LRP4: variants seen among roughly 807,000 people sequenced by gnomAD.
LRP4 encodes LDL receptor related protein 4.
A neutral mutation model predicts 220.3 loss-of-function variants in LRP4; 95 were observed. The ratio of observed to expected loss-of-function variants is 0.43; its 90% CI spans 0.37 to 0.51. LRP4 has a LOEUF of 0.51. LRP4 is among the 20% of genes least tolerant of loss of function. The pLI is 0.00. For synonymous variants in LRP4, 903 were observed against 954.6 expected (o/e 0.95, Z 1.00); for missense variants, 1,925 against 2,567.0 (o/e 0.75, Z 5.40).
Position 46,890,041 on chromosome 11 carries a change from G to A in LRP4, c.1995C>T (p.Ser665=), listed in dbSNP as rs777406506. The change falls in exon 15 of 38, where the codon AGC becomes AGT. Residue 665 remains serine (S), a synonymous_variant. Coordinates refer to ENST00000378623, the MANE Select transcript of LRP4 (RefSeq NM_002334.4). This position sits in a 1 kb window ranked among gnomAD's most constrained non-coding sequence, Gnocchi z 5.3. ...GGTTCTTCCCCGTAAATTTGTTAGC[G>A]CTATTGATGCTCTTGGTGTGCCAGT... ...WTDWHTKSIN[S]ANKFTGKNQE... 24 of 1,613,976 alleles carry A rather than the reference G, an allele frequency of 1.5e-5. No individual in the cohort carries two copies. The highest frequency in any genetic ancestry group is 1.6e-4 in the Middle Eastern group (1 of 6,084).
At chr11:46,898,844 C>A in intron 6 of LRP4, 60 bp downstream of exon 6, 3 of 1,612,144 alleles carry the variant, frequency 1.9e-6, no homozygotes, top group Non-Finnish European at 1.7e-6. Flanking sequence ...CTGTGCCTTG[C>A]CACCCAAGCA....
chr11:46,895,122 T>G (rs1363588516), intron 11 of LRP4, 44 bp downstream of exon 11: 4 of 1,611,190 alleles, frequency 2.5e-6, no homozygotes, highest in Non-Finnish European at 3.4e-6. Context: ...CCTTCCTCCA[T>G]GCTCGGCCCT....
chr11:46,916,911 G>A (rs1466074320), intron 1 of LRP4, among the ~76,000 whole-genome samples: 2 of 152,208 alleles, frequency 1.3e-5, no homozygotes, highest in Non-Finnish European at 2.9e-5. Flanking sequence ...ACACGCCAAA[G>A]AGGCTACAAA....
At position 46,899,810 on chromosome 11, in the gene LRP4, G is replaced by A; in HGVS notation, c.430+53C>T. On this transcript the variant is annotated intron_variant, in intron 4 of 37. Transcript: ENST00000378623. The surrounding 1 kb of genome is among the most constrained non-coding windows in gnomAD (Gnocchi z 5.9). ...GCCATTGCTGCTATCTTCTCCCATG[G>A]CCAGGCCACCCACTGGCCACCTTGC... is the stretch of plus-strand genomic sequence containing the variant. The A allele has an allele frequency of 6.9e-7, 1 of 1,441,154 alleles. No homozygotes were observed. Among genetic ancestry groups the A allele is most frequent in the Non-Finnish European group, 9.8e-7 (1 of 1,025,408 alleles). The allele number at this position is 1,441,154 out of a possible 1,614,324, so 89.3% of individuals were successfully genotyped here.
At chr11:46,905,505 C>G (rs1248920888) in intron 1 of LRP4, among the ~76,000 whole-genome samples, 1 of 152,160 alleles carries the variant, frequency 6.6e-6, no homozygotes, top group Non-Finnish European at 1.5e-5. Context: ...TCCTGCTTGG[C>G]GGTGCTTACC....
Position 46,895,928 on chromosome 11 carries a change from C to A in LRP4, c.1139G>T (p.Cys380Phe). The A allele has an allele frequency of 1.2e-6, 2 of 1,613,960 alleles. No homozygotes were observed. Among genetic ancestry groups the A allele is most frequent in the Non-Finnish European group, 1.7e-6 (2 of 1,180,006 alleles). ...CTCTGTGAGCCGGTAGCCTGTGTGGCAGGTACACTGCACTGCCCCCCGCAC... is the reference window on the plus strand; with the variant it reads ...CTCTGTGAGCCGGTAGCCTGTGTGGAAGGTACACTGCACTGCCCCCCGCAC... ...QMVRGAVQCT[C>F]HTGYRLTEDG... Residue 380 changes from cysteine (C) to phenylalanine (F), a missense_variant, in exon 10 of 38, where the codon TGC becomes TTC. Physicochemically the swap from Cys to Phe is radical, Grantham distance 205. Around this residue, in one of 3 missense-constraint regions of LRP4, gnomAD observed 269 missense variants for 436.7 expected, o/e 0.62. Coordinates refer to ENST00000378623, the MANE Select transcript of LRP4 (RefSeq NM_002334.4).
At chr11:46,876,971 TATC>T (rs1941037013) in intron 23 of LRP4, 141 bp from the exon 24 acceptor site, 2 of 868,336 alleles carry the variant, frequency 2.3e-6, no homozygotes, top group African/African-American at 1.7e-5. Context: ...AACGCAGAAA[TATC>T]ATAGCAGGAT....
intron 1 of LRP4, among the ~76,000 whole-genome samples, chr11:46,913,415 A>G (rs1481075516): frequency 1.3e-5 from 2 of 152,112 alleles, no homozygotes; most frequent in African/African-American, 4.8e-5. Context: ...GAAACAAAAG[A>G]GACAACAGGG....
intron 19 of LRP4, among the ~76,000 whole-genome samples, chr11:46,882,131 C>T (rs917986029): frequency 6.6e-6 from 1 of 152,132 alleles, no homozygotes; most frequent in African/African-American, 2.4e-5. Flanking sequence ...ACAGCTTAAG[C>T]AAAACTCCAC....
intron 16 of LRP4, among the ~76,000 whole-genome samples, chr11:46,886,740 A>C (rs756441977): frequency 2.6e-5 from 4 of 152,208 alleles, no homozygotes; most frequent in Non-Finnish European, 4.4e-5. Context: ...AACAGACTCT[A>C]CTAAGGTCCC....
Position 46,857,730 on chromosome 11 carries a change from C to T in LRP4, c.*1253G>A, listed in dbSNP as rs998811177. ...ATTTCCCTGATACCAGGCTGAGACACGTGCCCTTTGTGTGAATGAGCATGA... is the reference window on the plus strand; with the variant it reads ...ATTTCCCTGATACCAGGCTGAGACATGTGCCCTTTGTGTGAATGAGCATGA... On this transcript the variant is annotated 3_prime_UTR_variant, in exon 38 of 38. Coordinates refer to ENST00000378623, the MANE Select transcript of LRP4 (RefSeq NM_002334.4). The T allele has an allele frequency of 2.6e-5, 4 of 152,564 alleles. No homozygotes were observed. Among genetic ancestry groups the T allele is most frequent in the African/African-American group, 9.7e-5 (4 of 41,412 alleles). The allele number at this position is 152,564 out of a possible 1,614,324, so 9.5% of individuals were successfully genotyped here.
chr11:46,901,962 T>A (rs1941674453), intron 2 of LRP4, among the ~76,000 whole-genome samples: 1 of 151,900 alleles, frequency 6.6e-6, no homozygotes, highest in Non-Finnish European at 1.5e-5. Context: ...CTCGATTTCC[T>A]GACCTCGTGA....
intron 11 of LRP4, 40 bp downstream of exon 11, chr11:46,895,126 C>A: frequency 6.2e-7 from 1 of 1,612,140 alleles, no homozygotes; most frequent in South Asian, 1.1e-5. Flanking sequence ...CCTCCATGCT[C>A]GGCCCTCTGC....
At chr11:46,893,185 C>T (rs576914841) in intron 12 of LRP4, 56 bp from the exon 13 acceptor site, 2 of 1,606,076 alleles carry the variant, frequency 1.2e-6, no homozygotes, top group East Asian at 2.2e-5. Context: ...CCCCATGTCC[C>T]ATAGTAATAG....
At chr11:46,898,494 C>A in intron 7 of LRP4, 64 bp downstream of exon 7, 3 of 1,610,264 alleles carry the variant, frequency 1.9e-6, no homozygotes, top group Non-Finnish European at 1.7e-6. Context: ...CCGGTAGTGG[C>A]CTCTTTGGCT....
In LRP4 at chr11:46,875,386, A is replaced by G. The variant is rs765161682; in HGVS notation, c.3925+70T>C. On this transcript the variant is annotated intron_variant, in intron 27 of 37. Transcript: ENST00000378623. This position sits in a 1 kb window ranked among gnomAD's most constrained non-coding sequence, Gnocchi z 4.5. ...TAAAGGAGCTCTGTGCTCTGGATAT[A>G]TCTCTGATGTTGAGATGGCCCCAGA... 87 of 1,341,358 alleles carry G rather than the reference A, an allele frequency of 6.5e-5. No individual in the cohort carries two copies. Among genetic ancestry groups the G allele is most frequent in the Non-Finnish European group, 8.5e-5 (80 of 939,186 alleles). 83.1% of individuals were successfully genotyped at this position (1,341,358 alleles called of 1,614,324 possible). A position where few individuals can be genotyped will look rare whatever the true frequency, so the allele number is the denominator to read the frequency against.
intron 1 of LRP4, among the ~76,000 whole-genome samples, chr11:46,905,984 G>A (rs1365130053): frequency 2.0e-5 from 3 of 152,178 alleles, no homozygotes; most frequent in African/African-American, 7.2e-5. Flanking sequence ...TACCAGACGG[G>A]AGTTCAGGAT....
rs553061799 is a variant in LRP4, at chr11:46,896,150, C to A, written c.1048+60G>T. The A allele has an allele frequency of 1.0e-4, 162 of 1,611,126 alleles. 1 individual carries two copies. In the East Asian group the frequency reaches 3.2e-3, roughly 32 times the overall value. ...GTCCTGAGGGAGGATTCCCTTTGAA[C>A]CCTATGGGTGGGGTTCGGCCACAAA... On this transcript the variant is annotated intron_variant, in intron 9 of 37. Coordinates refer to ENST00000378623, the MANE Select transcript of LRP4 (RefSeq NM_002334.4).
rs770405848 is a variant in LRP4, at chr11:46,886,395, T to C, written c.2354A>G (p.Asp785Gly). The change falls in exon 17 of 38, where the codon GAC becomes GGC. Residue 785 changes from aspartate (D) to glycine (G), a missense_variant. This residue lies in a region of LRP4 where 1,244 missense variants were observed against 1,624.9 expected (regional missense o/e 0.77). Coordinates refer to ENST00000378623, the MANE Select transcript of LRP4 (RefSeq NM_002334.4). ...GCTGACATCTGTCCAGTACACGTGG[T>C]CATCCCGGGAGTCCCAGTCAAGGGC... ...AVALDWDSRDDHVYWTDVSTD... is the reference protein window; with the variant it reads ...AVALDWDSRDGHVYWTDVSTD... The C allele has an allele frequency of 1.2e-6, 2 of 1,612,088 alleles. No homozygotes were observed. Among genetic ancestry groups the C allele is most frequent in the Non-Finnish European group, 1.7e-6 (2 of 1,179,090 alleles).
Sources: gnomAD v4.1 joint callset for allele counts (sites outside exome capture counted in the v4.1 genomes callset) on GRCh38, gnomAD v4.1.1 for gene constraint, gnomAD v4.1.1 regional missense constraint, Gnocchi (gnomAD v3.1) non-coding constraint, MANE v1.5 for transcripts, NCBI Gene and HGNC (gene_info 2026-07-23, HGNC 2026-07-21) for gene names.